The following UPRT variants were observed in gnomAD, a reference collection of about 807,000 sequenced individuals.
UPRT encodes the protein uracil phosphoribosyltransferase homolog.
UPRT carries 5 observed loss-of-function variants against 22.6 expected under a neutral mutation model. The ratio of observed to expected loss-of-function variants is 0.22; its 90% CI spans 0.12 to 0.47. UPRT has a LOEUF of 0.47. UPRT is among the 20% of genes least tolerant of loss of function. UPRT has a pLI of 0.99. For synonymous variants in UPRT, 77 were observed against 87.7 expected, an observed-to-expected ratio of 0.88 and a Z score of 0.68; for missense variants, 181 against 239.9, an observed-to-expected ratio of 0.75 and a Z score of 1.62.
At chrX:75,209,156 T>C in intron 4 of UPRT, among the ~76,000 whole-genome samples, 1 of 110,520 alleles carries the variant, frequency 9.0e-6, no homozygotes, top group Admixed American at 9.6e-5. Flanking sequence ...ATAGAAGAAC[T>C]AAGAGGGGTT....
At chrX:75,247,550 C>T (rs1328293561) in intron 4 of UPRT, among the ~76,000 whole-genome samples, 1 of 112,100 alleles carries the variant, frequency 8.9e-6, no homozygotes, top group Non-Finnish European at 1.9e-5. Context: ...CCAGATATTG[C>T]CGAGGCTTGA....
chrX:75,265,412 C>T (rs1469916120), intron 4 of UPRT, among the ~76,000 whole-genome samples: 3 of 111,641 alleles, frequency 2.7e-5, no homozygotes, highest in African/African-American at 9.8e-5. Flanking sequence ...CTTCTCTTCT[C>T]ACTTCATTTC....
At chrX:75,261,143 A>C (rs1038519530) in intron 4 of UPRT, among the ~76,000 whole-genome samples, 1 of 112,038 alleles carries the variant, frequency 8.9e-6, no homozygotes, top group African/African-American at 3.2e-5. Flanking sequence ...TGCCCACAAG[A>C]GAAAGCAGGA....
intron 4 of UPRT, among the ~76,000 whole-genome samples, chrX:75,212,009 G>A (rs2082381532): frequency 9.0e-6 from 1 of 111,482 alleles, no homozygotes; most frequent in Non-Finnish European, 1.9e-5. Context: ...ATAGGATGAG[G>A]TGGTTCTGGC....
intron 4 of UPRT, among the ~76,000 whole-genome samples, chrX:75,174,468 T>A (rs1322228716): frequency 8.9e-6 from 1 of 111,901 alleles, no homozygotes; most frequent in Non-Finnish European, 1.9e-5. Flanking sequence ...AACAGCAAGA[T>A]GGCTGACACG....
intron 2 of UPRT, among the ~76,000 whole-genome samples, chrX:75,295,172 C>A (rs1038684011): frequency 2.7e-5 from 3 of 110,328 alleles, no homozygotes; most frequent in African/African-American, 9.9e-5. Flanking sequence ...ATATTAATTT[C>A]ATCCTGAATT....
At chrX:75,264,778 C>G (rs765748398) in intron 4 of UPRT, among the ~76,000 whole-genome samples, 5 of 111,592 alleles carry the variant, frequency 4.5e-5, no homozygotes, top group Admixed American at 9.6e-5. Flanking sequence ...CAGTTTCTTC[C>G]CAGCCTCGAT....
chrX:75,168,106 A>G (rs1233459245), intron 4 of UPRT, among the ~76,000 whole-genome samples: 1 of 111,898 alleles, frequency 8.9e-6, no homozygotes, highest in Non-Finnish European at 1.9e-5. Flanking sequence ...TTTGTCATTT[A>G]CCTCCGTTCT....
Position 75,304,789 on chromosome X carries a change from G to A in UPRT, c.*1278G>A, listed in dbSNP as rs1279558499. On this transcript the variant is annotated 3_prime_UTR_variant, in exon 7 of 7. Transcript: ENST00000373383. Reference sequence around the variant, plus strand: ...GATTGGATTATATTTTTCCTTTGGGGACTAGAATACTAGAAGAACTTCAGT... The same window carrying A: ...GATTGGATTATATTTTTCCTTTGGGAACTAGAATACTAGAAGAACTTCAGT... 1.8e-5 allele frequency among the ~76,000 whole-genome samples: 2 copies of A among 110,078 alleles called. No individual in the cohort carries two copies. Among genetic ancestry groups the A allele is most frequent in the African/African-American group, 6.6e-5 (2 of 30,187 alleles).
At chrX:75,232,908 C>T (rs1249173828) in intron 4 of UPRT, among the ~76,000 whole-genome samples, 1 of 112,389 alleles carries the variant, frequency 8.9e-6, no homozygotes, top group East Asian at 2.8e-4. Context: ...CGCAGTTCCT[C>T]ACCAGCAACA....
intron 4 of UPRT, among the ~76,000 whole-genome samples, chrX:75,172,226 C>T (rs1016973667): frequency 4.5e-5 from 5 of 110,989 alleles, no homozygotes; most frequent in African/African-American, 6.6e-5. Flanking sequence ...TAGGCATGTA[C>T]GAGCTCAGAC....
intron 4 of UPRT, among the ~76,000 whole-genome samples, chrX:75,190,073 C>T (rs957024712): frequency 2.7e-5 from 3 of 112,027 alleles, no homozygotes; most frequent in Non-Finnish European, 5.6e-5. Flanking sequence ...TTCCTAGCAT[C>T]GATGGTCTTT....
At chrX:75,233,083 A>G (rs188611754) in intron 4 of UPRT, among the ~76,000 whole-genome samples, 5 of 111,830 alleles carry the variant, frequency 4.5e-5, no homozygotes, top group Non-Finnish European at 9.4e-5. Context: ...ATACAGAGAA[A>G]TGCTTAAAGG....
At chrX:75,256,152 TATATC>T (rs1326120445) in intron 4 of UPRT, among the ~76,000 whole-genome samples, 1 of 111,966 alleles carries the variant, frequency 8.9e-6, no homozygotes, top group Admixed American at 9.5e-5. Flanking sequence ...AAATGGAAGT[TATATC>T]AAGCACTCTC....
Position 75,280,617 on chromosome X carries a change from T to C in UPRT, c.386+5977T>C, listed in dbSNP as rs2082652019. Among the ~76,000 whole-genome samples, 3 of 112,021 alleles carry C rather than the reference T, an allele frequency of 2.7e-5. No individual in the cohort carries two copies. In the South Asian group the frequency reaches 1.1e-3, roughly 42 times the overall value. On this transcript the variant is annotated intron_variant, in intron 1 of 6. Coordinates refer to ENST00000373383, the MANE Select transcript of UPRT (RefSeq NM_145052.4). Reference sequence around the variant, plus strand: ...TTTATTTCTGAGTTCTCTGTTCTGTTCCATTGGTCTTTGTGCCTATTTTTG... The same window carrying C: ...TTTATTTCTGAGTTCTCTGTTCTGTCCCATTGGTCTTTGTGCCTATTTTTG...
At chrX:75,179,782 G>A (rs1407770964) in intron 4 of UPRT, among the ~76,000 whole-genome samples, 1 of 112,940 alleles carries the variant, frequency 8.9e-6, no homozygotes, top group African/African-American at 3.2e-5. Flanking sequence ...CTCATTGCCC[G>A]GGGCTGGCAG....
intron 4 of UPRT, among the ~76,000 whole-genome samples, chrX:75,180,910 G>A (rs963972080): frequency 1.8e-5 from 2 of 108,866 alleles, no homozygotes; most frequent in African/African-American, 3.4e-5. Context: ...AATTGCCTTT[G>A]ACATCTTCAT....
At chrX:75,163,795 T>A (rs1455700307) in intron 3 of UPRT, among the ~76,000 whole-genome samples, 2 of 111,865 alleles carry the variant, frequency 1.8e-5, no homozygotes, top group East Asian at 2.8e-4. Flanking sequence ...TAATCCCCAA[T>A]TCAGCCTAAT....
chrX:75,249,545 C>T (rs1033852830), intron 4 of UPRT, among the ~76,000 whole-genome samples: 3 of 111,345 alleles, frequency 2.7e-5, no homozygotes, highest in African/African-American at 6.5e-5. Context: ...TACAGGAGCA[C>T]CCAGATTCAT....
Sources: allele counts gnomAD v4.1 joint callset (sites outside exome capture counted in the v4.1 genomes callset), GRCh38; gene constraint gnomAD v4.1.1; transcripts MANE v1.5; gene names NCBI Gene and HGNC (gene_info 2026-07-23, HGNC 2026-07-21).